The following PCYT1A variants were observed in gnomAD, a reference collection of about 807,000 sequenced individuals.
PCYT1A encodes the protein choline-phosphate cytidylyltransferase A.
PCYT1A carries 25 observed loss-of-function variants against 43.7 expected under a neutral mutation model. The ratio of observed to expected loss-of-function variants is 0.57; its 90% CI spans 0.42 to 0.80. PCYT1A has a LOEUF of 0.80. PCYT1A is among the 30% of genes least tolerant of loss of function. The pLI, the probability that PCYT1A is intolerant of heterozygous loss-of-function variation, is 0.00. For synonymous variants in PCYT1A, 172 were observed against 170.7 expected (o/e 1.01, Z -0.06); for missense variants, 421 against 474.2 (o/e 0.89, Z 1.04).
At chr3:196,270,649 T>C (rs1254470440) in intron 1 of PCYT1A, 108 bp from the exon 2 acceptor site, 1 of 787,714 alleles carries the variant, frequency 1.3e-6, no homozygotes, top group African/African-American at 1.7e-5. Flanking sequence ...ATACCAATTC[T>C]ACAGCTGCAC....
chr3:196,241,349 TTTTG>T (rs1161547228), intron 7 of PCYT1A: 2 of 161,248 alleles, frequency 1.2e-5, no homozygotes, highest in Admixed American at 6.6e-5. Flanking sequence ...TTTTTAGTTT[TTTTG>T]TTTGTCTGTT....
At chr3:196,250,584 T>C in intron 3 of PCYT1A, 1 of 166,266 alleles carries the variant, frequency 6.0e-6, no homozygotes, top group Non-Finnish European at 1.3e-5. Context: ...TACACTATGC[T>C]GAGGCTGAGG....
rs200670575 is a variant in PCYT1A at position 196,238,679 on chromosome 3, G to A, written c.*9C>T. The A allele has an allele frequency of 4.5e-5, 67 of 1,495,056 alleles. 1 individual carries two copies. In the South Asian group the frequency reaches 7.6e-4, roughly 17 times the overall value. The allele number at this position is 1,495,056 out of a possible 1,614,324, so 92.6% of individuals were successfully genotyped here. On this transcript the variant is annotated 3_prime_UTR_variant, in exon 9 of 9. Coordinates refer to ENST00000431016, the MANE Select transcript of PCYT1A (RefSeq NM_001312673.2). ...CAGAAAGGGAGGACAGGAAAGGAGG[G>A]AGGAAACATTAGTCTTCTTCATCCT...
chr3:196,266,070 C>A (rs1725265046), intron 2 of PCYT1A, among the ~76,000 whole-genome samples: 1 of 151,060 alleles, frequency 6.6e-6, no homozygotes, highest in Non-Finnish European at 1.5e-5. Flanking sequence ...AATAAATAAA[C>A]TAATGAGCTC....
At position 196,261,721 on chromosome 3, in the gene PCYT1A, C is replaced by A. The variant is rs1170991188; in HGVS notation, c.118-3834G>T. ...AGGAGAATTGCTTGAACTCGGGATGCGGAGGTTGCAGTGAGCCGAGATCAC... is the reference window on the plus strand; with the variant it reads ...AGGAGAATTGCTTGAACTCGGGATGAGGAGGTTGCAGTGAGCCGAGATCAC... On this transcript the variant is annotated intron_variant, in intron 2 of 8. Coordinates refer to ENST00000431016, the MANE Select transcript of PCYT1A (RefSeq NM_001312673.2). Among the ~76,000 whole-genome samples the A allele has an allele frequency of 2.0e-5, 3 of 150,338 alleles. No homozygotes were observed. In the South Asian group the frequency reaches 6.3e-4, roughly 32 times the overall value.
At chr3:196,253,336 C>CCAAAAAAAAAA (rs1724859490) in intron 3 of PCYT1A, among the ~76,000 whole-genome samples, 1 of 105,972 alleles carries the variant, frequency 9.4e-6, no homozygotes, top group African/African-American at 3.5e-5. Flanking sequence ...GACTCTGTCT[C>CCAAAAAAAAAA]AAAAAAAAAA....
Position 196,236,989 on chromosome 3 carries a change from C to T in PCYT1A, c.*1699G>A, listed in dbSNP as rs141970009. On this transcript the variant is annotated 3_prime_UTR_variant, in exon 9 of 9. Coordinates refer to ENST00000431016, the MANE Select transcript of PCYT1A (RefSeq NM_001312673.2). ...GCCTGGGTGATCCAAGTTTTAAGAA[C>T]CAAGGTAGTCCTGCTGTGCAGGCAA... 1.3e-5 allele frequency: 2 copies of T among 152,314 alleles called. No individual in the cohort carries two copies. The highest frequency in any genetic ancestry group is 6.5e-5 in the Admixed American group (1 of 15,284). 9.4% of individuals were successfully genotyped at this position (152,314 alleles called of 1,614,324 possible).
chr3:196,272,684 T>C (rs1401794080), intron 1 of PCYT1A, among the ~76,000 whole-genome samples: 1 of 152,178 alleles, frequency 6.6e-6, no homozygotes, highest in Non-Finnish European at 1.5e-5. Context: ...CTCAAGCTTG[T>C]TCACAGTTTC....
At chr3:196,244,845 T>C (rs988654282) in intron 5 of PCYT1A, among the ~76,000 whole-genome samples, 3 of 151,996 alleles carry the variant, frequency 2.0e-5, no homozygotes, top group Non-Finnish European at 2.9e-5. Context: ...GTTAAATGGA[T>C]TAAGGGCGGT....
At chr3:196,240,727 G>C (rs1724323230) in intron 7 of PCYT1A, 1 of 151,914 alleles carries the variant, frequency 6.6e-6, no homozygotes, top group Non-Finnish European at 1.5e-5. Context: ...AAAATTTCCA[G>C]ATCATAAAGA....
intron 2 of PCYT1A, among the ~76,000 whole-genome samples, chr3:196,267,111 G>T (rs189904027): frequency 6.6e-6 from 1 of 151,290 alleles, no homozygotes; most frequent in Admixed American, 6.6e-5. Context: ...CCCAGGAGGC[G>T]GAGGTTGCAG....
intron 7 of PCYT1A, among the ~76,000 whole-genome samples, chr3:196,241,131 TAAAAAAAAAAAAAAAAA>T (rs1209954920): frequency 2.0e-5 from 1 of 49,660 alleles, no homozygotes; most frequent in African/African-American, 8.5e-5. Context: ...CCATCTCTGC[TAAAAAAAAAAAAAAAAA>T]AAAAAAAAAA....
chr3:196,258,145 G>A (rs1034328908), intron 2 of PCYT1A, among the ~76,000 whole-genome samples: 1 of 152,020 alleles, frequency 6.6e-6, no homozygotes, highest in Admixed American at 6.6e-5. Context: ...AATTAGCCTG[G>A]TGTGGTGGCA....
rs534235723 is a variant in PCYT1A at position 196,262,786 on chromosome 3, C to CCT, written c.118-4900_118-4899insAG. On this transcript the variant is annotated intron_variant, in intron 2 of 8. Coordinates refer to ENST00000431016, the MANE Select transcript of PCYT1A (RefSeq NM_001312673.2). ...GTACACTTTTTACTTTCTAAGGATT[C>CCT]TTTTTTTTTTTTTTTGGCTTTTTTT... 2.0e-4 allele frequency among the ~76,000 whole-genome samples: 28 copies of CCT among 138,340 alleles called. No homozygotes were observed. The South Asian group carries it at 5.0e-3, about 25-fold the overall frequency. 90.8% of individuals were successfully genotyped at this position (138,340 alleles called of 152,430 possible).
At chr3:196,263,107 A>G (rs1441528485) in intron 2 of PCYT1A, among the ~76,000 whole-genome samples, 1 of 152,144 alleles carries the variant, frequency 6.6e-6, no homozygotes, top group African/African-American at 2.4e-5. Context: ...GGATTCTTAA[A>G]TATTTTTCAG....
In PCYT1A at chr3:196,268,510, A is replaced by G. The variant is rs1169539400; in HGVS notation, c.117+1905T>C. On this transcript the variant is annotated intron_variant, in intron 2 of 8. Coordinates refer to ENST00000431016, the MANE Select transcript of PCYT1A (RefSeq NM_001312673.2). The surrounding 1 kb of genome is among the most constrained non-coding windows in gnomAD (Gnocchi z 4.4). ...GCAAAAGAGACTCTGCAGGCCAGGC[A>G]CAGTGGCTCACGCCTGGTAATCCTA... 3.9e-5 allele frequency among the ~76,000 whole-genome samples: 6 copies of G among 152,212 alleles called. No individual in the cohort carries two copies. The East Asian group carries it at 7.7e-4, about 20-fold the overall frequency.
At position 196,239,792 on chromosome 3, in the gene PCYT1A, T is replaced by C. The variant is rs192751996; in HGVS notation, c.709-57A>G. 9.6e-4 allele frequency: 1,138 copies of C among 1,190,556 alleles called. 7 individuals are homozygous for C. The highest frequency in any genetic ancestry group is 9.4e-4 in the East Asian group (40 of 42,764). The allele number at this position is 1,190,556 out of a possible 1,614,324, so 73.7% of individuals were successfully genotyped here. A position where few individuals can be genotyped will look rare whatever the true frequency, so the allele number is the denominator to read the frequency against. On this transcript the variant is annotated intron_variant, in intron 7 of 8. Transcript: ENST00000431016. ...ATGCTCATCCTAAACTTCTCTACCA[T>C]AAGAGAACGAAAAAACATGGCTCAA...
chr3:196,284,935 T>C (rs892649708), intron 1 of PCYT1A, among the ~76,000 whole-genome samples: 3 of 152,210 alleles, frequency 2.0e-5, no homozygotes, highest in Non-Finnish European at 2.9e-5. Flanking sequence ...AGTAAACATC[T>C]AATGTGCTAG....
At chr3:196,269,026 A>G (rs940578084) in intron 2 of PCYT1A, among the ~76,000 whole-genome samples, 4 of 150,206 alleles carry the variant, frequency 2.7e-5, no homozygotes, top group Admixed American at 1.3e-4. Context: ...CAATGTGGGA[A>G]CCCTCTAGAA....
Sources: allele counts gnomAD v4.1 joint callset (sites outside exome capture counted in the v4.1 genomes callset), GRCh38; gene constraint gnomAD v4.1.1; non-coding constraint Gnocchi (gnomAD v3.1); transcripts MANE v1.5; gene names NCBI Gene and HGNC (gene_info 2026-07-23, HGNC 2026-07-21).